Variants in FAM135B observed in about 807,000 individuals in gnomAD.
FAM135B encodes the protein protein FAM135B.
Under a neutral mutation model 127.7 loss-of-function variants are expected in FAM135B, and 43 were observed. The ratio of observed to expected loss-of-function variants is 0.34; its 90% CI spans 0.26 to 0.43. FAM135B has a LOEUF of 0.43. Ranked by LOEUF, FAM135B falls within the 20% of genes least tolerant of loss-of-function variation. The pLI is 1.00. For missense variants in FAM135B, 1,558 were observed against 1,725.6 expected, an observed-to-expected ratio of 0.90 and a Z score of 1.72; for synonymous variants, 670 against 665.1, an observed-to-expected ratio of 1.01 and a Z score of -0.11.
chr8:138,409,294 A>G (rs1587379346), intron 1 of FAM135B, among the ~76,000 whole-genome samples: 1 of 152,168 alleles, frequency 6.6e-6, no homozygotes, highest in African/African-American at 2.4e-5. Flanking sequence ...AGCAGTCAGA[A>G]CACACACGAC....
chr8:138,163,514 G>A (rs868061738), intron 12 of FAM135B, among the ~76,000 whole-genome samples: 28 of 152,094 alleles, frequency 1.8e-4, no homozygotes, highest in African/African-American at 5.8e-4. Context: ...TGAATCATGG[G>A]GGCAGTTTCC....
chr8:138,422,963 C>T (rs563700884), intron 1 of FAM135B, among the ~76,000 whole-genome samples: 42 of 152,200 alleles, frequency 2.8e-4, no homozygotes, highest in African/African-American at 8.7e-4. Context: ...TGTTCTTTGC[C>T]GCCAACATGG....
At chr8:138,343,202 C>G (rs111839281) in intron 2 of FAM135B, among the ~76,000 whole-genome samples, 4 of 152,314 alleles carry the variant, frequency 2.6e-5, no homozygotes, top group African/African-American at 9.6e-5. Context: ...GTGGCTGCCC[C>G]ACTGAAGCAC....
chr8:138,166,086 G>A (rs1299907753), intron 12 of FAM135B, among the ~76,000 whole-genome samples: 6 of 152,196 alleles, frequency 3.9e-5, no homozygotes, highest in East Asian at 1.9e-4. Flanking sequence ...CAGAGTTGGC[G>A]TTGAACGTCG....
intron 2 of FAM135B, among the ~76,000 whole-genome samples, chr8:138,339,645 T>C (rs981950482): frequency 6.6e-6 from 1 of 152,132 alleles, no homozygotes; most frequent in African/African-American, 2.4e-5. Context: ...TTTTTGCATA[T>C]GTGCATATGG....
intron 11 of FAM135B, among the ~76,000 whole-genome samples, chr8:138,169,458 C>G (rs1820233600): frequency 6.6e-6 from 1 of 150,934 alleles, no homozygotes; most frequent in Non-Finnish European, 1.5e-5. Context: ...GAATATTTAA[C>G]TCTTTAAATG....
At chr8:138,442,267 T>TATATATATATACACATAC (rs34280434) in intron 1 of FAM135B, among the ~76,000 whole-genome samples, 2 of 86,762 alleles carry the variant, frequency 2.3e-5, no homozygotes, top group African/African-American at 8.9e-5. Context: ...TATATATATA[T>TATATATATATACACATAC]ATATATATAT....
chr8:138,374,585 C>A (rs1831346415), intron 1 of FAM135B, among the ~76,000 whole-genome samples: 1 of 152,116 alleles, frequency 6.6e-6, no homozygotes, highest in Non-Finnish European at 1.5e-5. Context: ...ATGGTAACAC[C>A]AGACAACAGA....
At chr8:138,148,762 T>C in intron 13 of FAM135B, 76 bp from the exon 14 acceptor site, 4 of 1,168,226 alleles carry the variant, frequency 3.4e-6, no homozygotes, top group Non-Finnish European at 4.8e-6. Context: ...GGCTGGTATG[T>C]AGAAGGGCTG....
intron 6 of FAM135B, among the ~76,000 whole-genome samples, chr8:138,248,837 CAAT>C (rs1431900465): frequency 1.0e-5 from 1 of 96,504 alleles, no homozygotes; most frequent in Non-Finnish European, 2.3e-5. Context: ...AAAAAAAAAA[CAAT>C]AAAAGTAAAA....
At chr8:138,251,338 C>T (rs1244472310) in intron 5 of FAM135B, among the ~76,000 whole-genome samples, 2 of 152,116 alleles carry the variant, frequency 1.3e-5, no homozygotes, top group African/African-American at 2.4e-5. Flanking sequence ...ACATTGAAGC[C>T]TCCTACTTTT....
At chr8:138,269,475 A>C (rs897353437) in intron 3 of FAM135B, among the ~76,000 whole-genome samples, 1 of 152,300 alleles carries the variant, frequency 6.6e-6, no homozygotes, top group African/African-American at 2.4e-5. Flanking sequence ...AACCCTTTCA[A>C]TTCCCCAGGC....
At chr8:138,271,046 C>T (rs1156901888) in intron 3 of FAM135B, among the ~76,000 whole-genome samples, 1 of 152,178 alleles carries the variant, frequency 6.6e-6, no homozygotes, top group Non-Finnish European at 1.5e-5. Flanking sequence ...CATTTCTATC[C>T]TAAACTAGCA....
At chr8:138,254,209 G>A (rs979478036) in intron 5 of FAM135B, among the ~76,000 whole-genome samples, 4 of 152,216 alleles carry the variant, frequency 2.6e-5, no homozygotes, top group African/African-American at 9.6e-5. Context: ...TTATGAAAGT[G>A]TGGGGACTTC....
intron 9 of FAM135B, among the ~76,000 whole-genome samples, chr8:138,194,844 G>C (rs749415286): frequency 5.3e-5 from 8 of 152,170 alleles, no homozygotes; most frequent in Non-Finnish European, 1.2e-4. Flanking sequence ...GTTGGCAAAT[G>C]CATGTGACTG....
At chr8:138,184,735 T>A (rs1461046549) in intron 9 of FAM135B, among the ~76,000 whole-genome samples, 1 of 152,140 alleles carries the variant, frequency 6.6e-6, no homozygotes, top group Non-Finnish European at 1.5e-5. Context: ...GCCTGCTGGA[T>A]GTCCACCTAA....
intron 1 of FAM135B, among the ~76,000 whole-genome samples, chr8:138,478,888 G>T (rs1330773016): frequency 3.3e-5 from 5 of 152,154 alleles, no homozygotes; most frequent in African/African-American, 4.8e-5. Context: ...ACCGCCTGGG[G>T]TCAGTGCAGA....
chr8:138,160,488 A>G (rs528117105), intron 12 of FAM135B, among the ~76,000 whole-genome samples: 1 of 152,026 alleles, frequency 6.6e-6, no homozygotes, highest in Non-Finnish European at 1.5e-5. Flanking sequence ...TCCCAGGTTC[A>G]AGTGTTTCTC....
At chr8:138,157,102 T>A (rs1417318961) in intron 12 of FAM135B, among the ~76,000 whole-genome samples, 1 of 152,172 alleles carries the variant, frequency 6.6e-6, no homozygotes, top group Non-Finnish European at 1.5e-5. Flanking sequence ...TCCACCACGA[T>A]CAAGTTGGCT....
Sources: gnomAD v4.1 joint callset for allele counts (sites outside exome capture counted in the v4.1 genomes callset) on GRCh38, gnomAD v4.1.1 for gene constraint, MANE v1.5 for transcripts, NCBI Gene and HGNC (gene_info 2026-07-23, HGNC 2026-07-21) for gene names.